CASK: variants seen among roughly 807,000 people sequenced by gnomAD.
The protein encoded by CASK is calcium/calmodulin dependent serine protein kinase.
CASK carries 4 observed loss-of-function variants against 82.9 expected under a neutral mutation model. The ratio of observed to expected loss-of-function variants is 0.05; its 90% CI spans 0.02 to 0.11. The LOEUF (loss-of-function observed/expected upper bound fraction) is 0.11. Among genes scored for constraint, CASK ranks in the 10% least tolerant of loss-of-function variants. The probability of loss-of-function intolerance (pLI) is 1.00; values close to 1 mark genes in which losing one functional copy is unlikely to be tolerated. For missense variants in CASK, 358 were observed against 720.9 expected (o/e 0.50, Z 5.76); for synonymous variants, 259 against 253.5 (o/e 1.02, Z -0.20).
At chrX:41,522,927 A>G (rs1034589459) in intron 26 of CASK, 1 of 112,798 alleles carries the variant, frequency 8.9e-6, no homozygotes, top group African/African-American at 3.2e-5. Context: ...ATTTGTGGGA[A>G]CAAAGTGTCT....
At chrX:41,629,892 A>AT (rs2066438056) in intron 9 of CASK, among the ~76,000 whole-genome samples, 1 of 112,124 alleles carries the variant, frequency 8.9e-6, no homozygotes, top group African/African-American at 3.2e-5. Context: ...ATTTTATACA[A>AT]GTAGTTCTTC....
chrX:41,579,791 A>C (rs917381261), intron 14 of CASK, among the ~76,000 whole-genome samples: 4 of 111,517 alleles, frequency 3.6e-5, no homozygotes, highest in African/African-American at 1.3e-4. Context: ...AAAAGTCATG[A>C]CTTGGCTATT....
At chrX:41,625,311 G>T (rs2066349930) in intron 10 of CASK, among the ~76,000 whole-genome samples, 1 of 105,691 alleles carries the variant, frequency 9.5e-6, no homozygotes, top group African/African-American at 3.5e-5. Context: ...TCAGCCACCC[G>T]AGTAGCTGGG....
intron 4 of CASK, among the ~76,000 whole-genome samples, chrX:41,744,145 T>G (rs2068643586): frequency 9.2e-6 from 1 of 108,825 alleles, no homozygotes; most frequent in African/African-American, 3.3e-5. Flanking sequence ...AAAAAAAACT[T>G]AATATGTTTG....
At chrX:41,825,339 G>A (rs1440745993) in intron 2 of CASK, among the ~76,000 whole-genome samples, 2 of 91,201 alleles carry the variant, frequency 2.2e-5, no homozygotes, top group African/African-American at 7.5e-5. Flanking sequence ...TGTTATTACT[G>A]GGCTTTTAGA....
At chrX:41,695,906 T>C (rs767887430) in intron 5 of CASK, 1 of 1,209,484 alleles carries the variant, frequency 8.3e-7, no homozygotes, top group Admixed American at 2.2e-5. Flanking sequence ...CCATTCAAAT[T>C]TATCTACTTA....
chrX:41,545,005 G>A (rs1274832770), intron 21 of CASK, among the ~76,000 whole-genome samples: 19 of 109,069 alleles, frequency 1.7e-4, no homozygotes, highest in African/African-American at 5.6e-4. Flanking sequence ...TACATTTTGG[G>A]TATTAATGTA....
intron 3 of CASK, among the ~76,000 whole-genome samples, chrX:41,751,326 C>T (rs752565435): frequency 3.9e-4 from 43 of 111,422 alleles, no homozygotes; most frequent in Non-Finnish European, 6.6e-4. Flanking sequence ...CGGGCTCAAA[C>T]GATCCTTTTG....
chrX:41,711,561 A>G (rs189007900), intron 5 of CASK, among the ~76,000 whole-genome samples: 1 of 110,924 alleles, frequency 9.0e-6, no homozygotes, highest in African/African-American at 3.3e-5. Context: ...GACAGTTTAA[A>G]GCCTACCTAC....
chrX:41,854,278 C>G (rs1174539618), intron 1 of CASK, among the ~76,000 whole-genome samples: 1 of 99,343 alleles, frequency 1.0e-5, no homozygotes, highest in Non-Finnish European at 2.1e-5. Flanking sequence ...ACACACGGTT[C>G]CCTGTGGTTA....
At chrX:41,727,176 G>C in intron 5 of CASK, 1 of 1,206,619 alleles carries the variant, frequency 8.3e-7, no homozygotes, top group Non-Finnish European at 1.1e-6. Context: ...AAACATCAAC[G>C]CACATCTACC....
intron 11 of CASK, 36 bp from the exon 12 acceptor site, chrX:41,610,061 A>G: frequency 8.4e-7 from 1 of 1,196,185 alleles, no homozygotes. Context: ...CAGCCAGTAT[A>G]GAAAGTCAAT....
intron 22 of CASK, among the ~76,000 whole-genome samples, chrX:41,541,175 C>T (rs2064941907): frequency 8.9e-6 from 1 of 112,514 alleles, no homozygotes; most frequent in Non-Finnish European, 1.9e-5. Context: ...GTAATAACCA[C>T]TGACGTTTTG....
intron 5 of CASK, among the ~76,000 whole-genome samples, chrX:41,716,512 A>G (rs2068064326): frequency 8.9e-6 from 1 of 112,219 alleles, no homozygotes; most frequent in Non-Finnish European, 1.9e-5. Context: ...TTGCTAAGGG[A>G]GGAGTACACT....
intron 5 of CASK, chrX:41,696,636 C>T (rs1569404464): frequency 8.3e-7 from 1 of 1,210,392 alleles, no homozygotes. Context: ...CAGTAACATT[C>T]GCAAAATAAT....
At chrX:41,560,342 C>A (rs2065210818) in intron 17 of CASK, among the ~76,000 whole-genome samples, 1 of 110,034 alleles carries the variant, frequency 9.1e-6, no homozygotes, top group Non-Finnish European at 1.9e-5. Context: ...CGGCTCACTG[C>A]AAACTCTGCC....
chrX:41,900,475 G>T (rs1264688729), intron 1 of CASK, among the ~76,000 whole-genome samples: 1 of 110,106 alleles, frequency 9.1e-6, no homozygotes, highest in Non-Finnish European at 1.9e-5. Flanking sequence ...TAACTGGGTA[G>T]TTTCAAATGA....
At chrX:41,806,502 T>C (rs2070127480) in intron 2 of CASK, among the ~76,000 whole-genome samples, 1 of 112,302 alleles carries the variant, frequency 8.9e-6, no homozygotes, top group South Asian at 3.6e-4. Flanking sequence ...TCTGTAAGTT[T>C]CTTGAGGGTG....
At chrX:41,649,888 G>A (rs2147424743) in intron 8 of CASK, among the ~76,000 whole-genome samples, 1 of 111,230 alleles carries the variant, frequency 9.0e-6, no homozygotes, top group African/African-American at 3.3e-5. Flanking sequence ...GGGAGTCTAA[G>A]TCTCTTTTTA....
Sources: allele counts gnomAD v4.1 joint callset (sites outside exome capture counted in the v4.1 genomes callset), GRCh38; gene constraint gnomAD v4.1.1; transcripts MANE v1.5; gene names NCBI Gene and HGNC (gene_info 2026-07-23, HGNC 2026-07-21).